FANCG: variants seen among roughly 807,000 people sequenced by gnomAD.
FANCG encodes the protein FA complementation group G.
In FANCG, 67 loss-of-function variants were observed where a neutral mutation model predicts 73.3. The observed-to-expected ratio is 0.91, with a 90% CI of 0.75 to 1.12. FANCG has a LOEUF of 1.12. Ranked by LOEUF, FANCG falls within the 50% of genes most tolerant of loss-of-function variation. FANCG has a pLI of 0.00. For missense variants in FANCG, 643 were observed against 735.6 expected (o/e 0.87, Z 1.46); for synonymous variants, 297 against 311.6 (o/e 0.95, Z 0.49).
At chr9:35,077,707 G>A (rs145509875) in intron 4 of FANCG, among the ~76,000 whole-genome samples, 1 of 152,004 alleles carries the variant, frequency 6.6e-6, no homozygotes, top group Non-Finnish European at 1.5e-5. Flanking sequence ...GGAGACTAAG[G>A]CTGAGAGCTG....
At chr9:35,076,173 T>G (rs1829079272) in intron 8 of FANCG, 145 bp from the exon 9 acceptor site, 1 of 927,956 alleles carries the variant, frequency 1.1e-6, no homozygotes, top group Non-Finnish European at 1.7e-6. Context: ...GGCTCCAATT[T>G]TGGCTCAGTA....
rs149721361 is a variant in FANCG, at chr9:35,076,861, G to C, written c.787C>G (p.Gln263Glu). ...GCAACCAAGTACAACAGTGCTCTCT[G>C]TGGATTTCCCTAAAGGGATAGGAGG... is the stretch of plus-strand genomic sequence containing the variant. ...GSCHRKMGNP[Q>E]RALLYLVAAL... Residue 263 changes from glutamine (Q) to glutamate (E), a missense_variant, in exon 7 of 14, where the codon CAG (glutamine) becomes GAG (glutamate). Transcript: ENST00000378643. 6.2e-6 allele frequency: 10 copies of C among 1,614,234 alleles called. No homozygotes were observed. In the Admixed American group the frequency reaches 1.2e-4, roughly 19 times the overall value.
Position 35,078,062 on chromosome 9 carries a change from G to C in FANCG, c.510+79C>G, listed in dbSNP as rs1587143290. 3 of 1,379,200 alleles carry C rather than the reference G, an allele frequency of 2.2e-6. No individual in the cohort carries two copies. The Admixed American group carries it at 5.0e-5, about 23-fold the overall frequency. 85.4% of individuals were successfully genotyped at this position (1,379,200 alleles called of 1,614,324 possible). A position where few individuals can be genotyped will look rare whatever the true frequency, so the allele number is the denominator to read the frequency against. ...CAACCCAGCCGCCTGTCCAGTACATGATGATGCTACTGCAGCTGGAGAGAA... is the reference window on the plus strand; with the variant it reads ...CAACCCAGCCGCCTGTCCAGTACATCATGATGCTACTGCAGCTGGAGAGAA... On this transcript the variant is annotated intron_variant, in intron 4 of 13. Coordinates refer to ENST00000378643, the MANE Select transcript of FANCG (RefSeq NM_004629.2).
At chr9:35,077,860 C>T (rs1829114992) in intron 4 of FANCG, 1 of 496,638 alleles carries the variant, frequency 2.0e-6, no homozygotes, top group Admixed American at 3.2e-5. Context: ...GTTGCCTCCA[C>T]CTCTTGGGTT....
Position 35,079,388 on chromosome 9 carries a change from C to A in FANCG, c.84+53G>T, listed in dbSNP as rs1563987651. The A allele has an allele frequency of 6.2e-7, 1 of 1,607,626 alleles. No individual in the cohort carries two copies. Among genetic ancestry groups the A allele is most frequent in the Middle Eastern group, 1.7e-4 (1 of 6,048 alleles). ...CGGTTGGGGTAAATCCACTGCAAAC[C>A]CGCTTTCAGGGATCTTGAGGCTGCA... is the stretch of plus-strand genomic sequence containing the variant. On this transcript the variant is annotated intron_variant, in intron 1 of 13. Coordinates refer to ENST00000378643, the MANE Select transcript of FANCG (RefSeq NM_004629.2).
At chr9:35,074,692 C>T in intron 12 of FANCG, 198 bp from the exon 13 acceptor site, 2 of 868,158 alleles carry the variant, frequency 2.3e-6, no homozygotes, top group Admixed American at 2.1e-5. Flanking sequence ...CCCACAACAG[C>T]AGAGTCATGG....
At chr9:35,079,323 G>A in intron 1 of FANCG, 82 bp from the exon 2 acceptor site, 1 of 1,546,810 alleles carries the variant, frequency 6.5e-7, no homozygotes, top group African/African-American at 1.4e-5. Context: ...GCATTCTCCA[G>A]TCATTTCTGG....
In FANCG at chr9:35,079,517, C is replaced by G. The variant is rs770674344; in HGVS notation, c.8G>C (p.Arg3Pro). 2.5e-6 allele frequency: 4 copies of G among 1,613,888 alleles called. No individual in the cohort carries two copies. Among genetic ancestry groups the G allele is most frequent in the Non-Finnish European group, 3.4e-6 (4 of 1,180,026 alleles). MS[R>P]QTTSVGSSCL... ...GCTGGAGCCCACAGAGGTGGTCTGG[C>G]GGGACATGGTGGCCGAGGCTGGGCC... Residue 3 changes from arginine (R) to proline (P), a missense_variant, in exon 1 of 14, where the codon CGC becomes CCC. By Grantham distance (103) the Arg-to-Pro change is moderately radical (BLOSUM62 -2). Transcript: ENST00000378643.
At position 35,078,749 on chromosome 9, in the gene FANCG, T is replaced by C. The variant is rs554263156; in HGVS notation, c.176-13A>G. 5 of 1,614,090 alleles carry C rather than the reference T, an allele frequency of 3.1e-6. No homozygotes were observed. The South Asian group carries it at 4.4e-5, about 14-fold the overall frequency. The stretch of plus-strand genomic sequence containing the variant: ...GCTGCAGGGAGCCCTGGAGCAACAA[T>C]GTTGGTCTTACAGACTGCTCCCCCA... On this transcript the variant is annotated splice_polypyrimidine_tract_variant and intron_variant, in intron 2 of 13. Coordinates refer to ENST00000378643, the MANE Select transcript of FANCG (RefSeq NM_004629.2).
At chr9:35,075,367 C>T in intron 10 of FANCG, 42 bp from the exon 11 acceptor site, 1 of 1,614,008 alleles carries the variant, frequency 6.2e-7, no homozygotes, top group Non-Finnish European at 8.5e-7. Context: ...GAATCAATTT[C>T]AGAAACTCTA....
In FANCG at chr9:35,079,539, G is replaced by C. The variant is rs760773633; in HGVS notation, c.-15C>G. On this transcript the variant is annotated 5_prime_UTR_variant, in exon 1 of 14. Transcript: ENST00000378643. ...TGGCGGGACATGGTGGCCGAGGCTG[G>C]GCCCGGAGACCAGAAGCGGACTTAG... 1 of 1,613,774 alleles carries C rather than the reference G, an allele frequency of 6.2e-7. No homozygotes were observed. The highest frequency in any genetic ancestry group is 1.3e-5 in the African/African-American group (1 of 75,036).
rs764036260 is a variant in FANCG at position 35,077,116 on chromosome 9, G to T, written c.647-15C>A. ...CTCCTGGAGACCTGAGGACAGTCAG[G>T]GTGTGAGCTTGGAGAGGGCTATAGA... On this transcript the variant is annotated splice_polypyrimidine_tract_variant and intron_variant, in intron 5 of 13. Coordinates refer to ENST00000378643, the MANE Select transcript of FANCG (RefSeq NM_004629.2). The T allele has an allele frequency of 3.1e-6, 5 of 1,614,180 alleles. No individual in the cohort carries two copies. The East Asian group carries it at 1.1e-4, about 36-fold the overall frequency.
At position 35,074,004 on chromosome 9, in the gene FANCG, T is replaced by C; in HGVS notation, c.*104A>G. ...ACCACCAATCTCACCAGTCCAGGAA[T>C]TATATAGGAATGGTCACATTCCTAA... On this transcript the variant is annotated 3_prime_UTR_variant, in exon 14 of 14. Coordinates refer to ENST00000378643, the MANE Select transcript of FANCG (RefSeq NM_004629.2). The C allele has an allele frequency of 1.1e-6, 1 of 894,930 alleles. No homozygotes were observed. Among genetic ancestry groups the C allele is most frequent in the South Asian group, 1.3e-5 (1 of 75,354 alleles). 55.4% of individuals were successfully genotyped at this position (894,930 alleles called of 1,614,324 possible). A position where few individuals can be genotyped will look rare whatever the true frequency, so the allele number is the denominator to read the frequency against.
intron 13 of FANCG, 67 bp downstream of exon 13, chr9:35,074,304 C>T: frequency 6.2e-7 from 1 of 1,613,752 alleles, no homozygotes; most frequent in Non-Finnish European, 8.5e-7. Flanking sequence ...TCACCACCCA[C>T]AATAGGTCCA....
intron 9 of FANCG, 51 bp downstream of exon 9, chr9:35,075,911 G>A: frequency 6.2e-7 from 1 of 1,600,668 alleles, no homozygotes. Context: ...TATTTCAAAG[G>A]GGACACCAAC....
In FANCG at chr9:35,076,633, T is replaced by G. The variant is rs139157408; in HGVS notation, c.925-50A>C. 201 of 1,614,084 alleles carry G rather than the reference T, an allele frequency of 1.2e-4. No individual in the cohort carries two copies. The African/African-American group carries it at 1.8e-3, about 15-fold the overall frequency. ...ATCTATAATCTTTGGGAGCCATACTTCCTTATACTTGGATCTTGACTAGTC... is the reference window on the plus strand; with the variant it reads ...ATCTATAATCTTTGGGAGCCATACTGCCTTATACTTGGATCTTGACTAGTC... On this transcript the variant is annotated intron_variant, in intron 7 of 13. Transcript: ENST00000378643.
intron 12 of FANCG, 73 bp from the exon 13 acceptor site, chr9:35,074,567 A>C: frequency 1.3e-6 from 2 of 1,595,708 alleles, no homozygotes; most frequent in Non-Finnish European, 1.7e-6. Flanking sequence ...AAAAAGGGAA[A>C]CTGAGGCCTA....
intron 12 of FANCG, 130 bp from the exon 13 acceptor site, chr9:35,074,624 G>C: frequency 8.0e-7 from 1 of 1,245,838 alleles, no homozygotes; most frequent in Non-Finnish European, 1.1e-6. Flanking sequence ...AGCGGGGGCA[G>C]ATCATTCACA....
At chr9:35,079,371 G>T in intron 1 of FANCG, 70 bp downstream of exon 1, 2 of 1,586,878 alleles carry the variant, frequency 1.3e-6, no homozygotes, top group Non-Finnish European at 1.7e-6. Context: ...ATCGGTTGGG[G>T]TAAATCCACT....
Sources: gnomAD v4.1 joint callset for allele counts (sites outside exome capture counted in the v4.1 genomes callset) on GRCh38, gnomAD v4.1.1 for gene constraint, MANE v1.5 for transcripts, NCBI Gene and HGNC (gene_info 2026-07-23, HGNC 2026-07-21) for gene names.